Variants in BPIFB4 observed in about 807,000 individuals in gnomAD.
BPIFB4 encodes BPI fold-containing family B member 4.
BPIFB4 carries 62 observed loss-of-function variants against 69.2 expected under a neutral mutation model. The observed-to-expected ratio is 0.90, with a 90% confidence interval of 0.73 to 1.11. The LOEUF (loss-of-function observed/expected upper bound fraction) is 1.11, where lower values mean the gene tolerates loss of function less well. Among genes scored for constraint, BPIFB4 ranks in the 50% least tolerant of loss-of-function variants. BPIFB4 has a pLI of 0.00. For missense variants in BPIFB4, 789 were observed against 792.0 expected (o/e 1.00, Z 0.04); for synonymous variants, 330 against 332.7 (o/e 0.99, Z 0.09).
chr20:33,110,127 T>C (rs1277113915), intron 17 of BPIFB4, among the ~76,000 whole-genome samples: 1 of 152,186 alleles, frequency 6.6e-6, no homozygotes, highest in African/African-American at 2.4e-5. Flanking sequence ...TTCCCCTCTA[T>C]TGCCTTTGGT....
intron 3 of BPIFB4, among the ~76,000 whole-genome samples, 190 bp from the exon 4 acceptor site, chr20:33,082,748 C>G (rs1482306142): frequency 6.6e-6 from 1 of 152,138 alleles, no homozygotes; most frequent in African/African-American, 2.4e-5. Context: ...CAGACAAAAC[C>G]CAGCAGAAAA....
rs756098336 is a variant in BPIFB4 at position 33,083,537 on chromosome 20, A to G, written c.340A>G (p.Ser114Gly). 1.2e-6 allele frequency: 2 copies of G among 1,613,996 alleles called. No individual in the cohort carries two copies. The highest frequency in any genetic ancestry group is 4.5e-5 in the East Asian group (2 of 44,864). The change falls in exon 5 of 18, where the codon AGC (serine) becomes GGC (glycine). Residue 114 changes from serine (S) to glycine (G), a missense_variant. Coordinates refer to ENST00000375483, the MANE Select transcript of BPIFB4 (RefSeq NM_182519.3). Reference sequence around the variant, plus strand: ...TGGTGAGATCCTTGAGTCCGAGGGAAGCATCAGGGACCTCCGAAACAGTGG... The same window carrying G: ...TGGTGAGATCCTTGAGTCCGAGGGAGGCATCAGGGACCTCCGAAACAGTGG... ...RYGEILESEG[S>G]IRDLRNSGYR...
Position 33,089,569 on chromosome 20 carries a change from T to C in BPIFB4, c.1051+11T>C. 1 of 1,614,210 alleles carries C rather than the reference T, an allele frequency of 6.2e-7. No homozygotes were observed. The highest frequency in any genetic ancestry group is 8.5e-7 in the Non-Finnish European group (1 of 1,180,022). ...TGGGCCTCGTGGATTGTAAGTCCAATACACTTTCTCCAGCCTGGGGAAGGC... is the reference window on the plus strand; with the variant it reads ...TGGGCCTCGTGGATTGTAAGTCCAACACACTTTCTCCAGCCTGGGGAAGGC... On this transcript the variant is annotated intron_variant, in intron 9 of 17. Transcript: ENST00000375483.
chr20:33,100,297 G>C lies in BPIFB4; in HGVS notation c.1570-129G>C, dbSNP rs144185619. On this transcript the variant is annotated intron_variant, in intron 13 of 17. Coordinates refer to ENST00000375483, the MANE Select transcript of BPIFB4 (RefSeq NM_182519.3). Reference sequence around the variant, plus strand: ...TAAAAGGAGGTCTGACCCAGGCCTCGGGGAACAACCTGCCATCATGCTCAG... The same window carrying C: ...TAAAAGGAGGTCTGACCCAGGCCTCCGGGAACAACCTGCCATCATGCTCAG... 11 of 710,764 alleles carry C rather than the reference G, an allele frequency of 1.5e-5. No individual in the cohort carries two copies. The African/African-American group carries it at 1.6e-4, about 10-fold the overall frequency. The allele number at this position is 710,764 out of a possible 1,614,324, so 44.0% of individuals were successfully genotyped here.
At chr20:33,104,679 T>C in intron 15 of BPIFB4, 131 bp from the exon 16 acceptor site, 1 of 779,890 alleles carries the variant, frequency 1.3e-6, no homozygotes, top group Admixed American at 3.0e-5. Flanking sequence ...TCAGGGGTTC[T>C]GACTGCCAGA....
Position 33,083,397 on chromosome 20 carries a change from A to G in BPIFB4, c.200A>G (p.His67Arg), listed in dbSNP as rs943104205. 5 of 1,613,248 alleles carry G rather than the reference A, an allele frequency of 3.1e-6. No homozygotes were observed. In the African/African-American group the frequency reaches 5.4e-5, roughly 17 times the overall value. ...GGTGATATTCCCTACAATGACTTCC[A>G]TGTCCGAGGACCCCCCCCAGTATAT... ...GVGDIPYNDF[H>R]VRGPPPVYTN... Residue 67 changes from histidine to arginine, a missense_variant, in exon 5 of 18, where the codon CAT (histidine) becomes CGT (arginine). Physicochemically the swap from His to Arg is conservative, Grantham distance 29. Coordinates refer to ENST00000375483, the MANE Select transcript of BPIFB4 (RefSeq NM_182519.3).
chr20:33,101,966 T>C (rs1424970617), intron 14 of BPIFB4, among the ~76,000 whole-genome samples: 2 of 152,238 alleles, frequency 1.3e-5, no homozygotes, highest in Non-Finnish European at 2.9e-5. Context: ...AGCTTTTCTT[T>C]TACAACCAAT....
chr20:33,107,904 T>TGGAAGA, intron 17 of BPIFB4, 84 bp downstream of exon 17: 2 of 1,241,368 alleles, frequency 1.6e-6, no homozygotes, highest in East Asian at 4.7e-5. Flanking sequence ...GCCAGGAACT[T>TGGAAGA]GGAAGAGGAA....
intron 17 of BPIFB4, among the ~76,000 whole-genome samples, chr20:33,108,990 C>T (rs1216041324): frequency 6.6e-6 from 1 of 152,158 alleles, no homozygotes; most frequent in Non-Finnish European, 1.5e-5. Context: ...GAACAGCCCC[C>T]TTCCCACATT....
chr20:33,097,601 T>A lies in BPIFB4; in HGVS notation c.1399-16T>A. The A allele has an allele frequency of 6.2e-7, 1 of 1,612,134 alleles. No homozygotes were observed. Among genetic ancestry groups the A allele is most frequent in the Non-Finnish European group, 8.5e-7 (1 of 1,178,790 alleles). The stretch of plus-strand genomic sequence containing the variant: ...TGCTAAGGGCCCTGTCCATCTGGCC[T>A]GGTGCCTGCCCACAGGTGTTCCAGC... On this transcript the variant is annotated splice_polypyrimidine_tract_variant and intron_variant, in intron 12 of 17. Coordinates refer to ENST00000375483, the MANE Select transcript of BPIFB4 (RefSeq NM_182519.3).
At position 33,091,345 on chromosome 20, in the gene BPIFB4, C is replaced by A. The variant is rs143492402; in HGVS notation, c.1143+546C>A. ...TCCCATCATGGACAGCTTCAAGTTA[C>A]CAACATGACGTCAGTGGATGCAGAG... is the stretch of plus-strand genomic sequence containing the variant. On this transcript the variant is annotated intron_variant, in intron 10 of 17. Coordinates refer to ENST00000375483, the MANE Select transcript of BPIFB4 (RefSeq NM_182519.3). Among the ~76,000 whole-genome samples the A allele has an allele frequency of 2.1e-3, 317 of 152,316 alleles. 5 individuals are homozygous for A. In the South Asian group the frequency reaches 0.023, roughly 11 times the overall value.
At chr20:33,094,928 A>G (rs1022470186) in intron 11 of BPIFB4, among the ~76,000 whole-genome samples, 172 bp from the exon 12 acceptor site, 2 of 152,152 alleles carry the variant, frequency 1.3e-5, no homozygotes, top group African/African-American at 2.4e-5. Context: ...TGATCTGCGT[A>G]TGGTGATGAT....
At chr20:33,095,020 G>A in intron 11 of BPIFB4, 80 bp from the exon 12 acceptor site, 1 of 1,347,866 alleles carries the variant, frequency 7.4e-7, no homozygotes, top group Non-Finnish European at 1.1e-6. Context: ...AAGCATGTAG[G>A]AGTTTAATCA....
At chr20:33,106,766 T>C (rs11699448) in intron 16 of BPIFB4, among the ~76,000 whole-genome samples, 79,957 of 151,898 alleles carry the variant, frequency 0.53, 21,707 homozygotes, top group Middle Eastern at 0.61. Context: ...GCAGGAGCCT[T>C]GAGTCGTTTG....
chr20:33,083,067 G>A (rs1175925714), intron 4 of BPIFB4, 67 bp downstream of exon 4: 19 of 1,481,730 alleles, frequency 1.3e-5, no homozygotes, highest in Non-Finnish European at 1.4e-5. Context: ...GGAAGTGGAG[G>A]TGGTGGGGGA....
chr20:33,085,012 C>T lies in BPIFB4; in HGVS notation c.782+16C>T. The T allele has an allele frequency of 6.2e-7, 1 of 1,607,608 alleles. No individual in the cohort carries two copies. The highest frequency in any genetic ancestry group is 8.5e-7 in the Non-Finnish European group (1 of 1,178,638). On this transcript the variant is annotated intron_variant, in intron 6 of 17. Transcript: ENST00000375483. ...ACGGGAAGAGGTGCGTGCCCTTGGCCCTGGAGGGGTCCCCACCACCCTATG... is the reference window on the plus strand; with the variant it reads ...ACGGGAAGAGGTGCGTGCCCTTGGCTCTGGAGGGGTCCCCACCACCCTATG...
intron 6 of BPIFB4, 22 bp downstream of exon 6, chr20:33,085,018 G>A: frequency 1.2e-6 from 2 of 1,605,374 alleles, no homozygotes; most frequent in South Asian, 1.1e-5. Flanking sequence ...TGGCCCTGGA[G>A]GGGTCCCCAC....
At chr20:33,085,976 G>T (rs1183628848) in intron 6 of BPIFB4, 45 bp from the exon 7 acceptor site, 2 of 1,578,496 alleles carry the variant, frequency 1.3e-6, no homozygotes, top group Non-Finnish European at 1.7e-6. Flanking sequence ...GCTCCTGGCG[G>T]CTGGGGGTGA....
chr20:33,082,989 A>G lies in BPIFB4; in HGVS notation c.158A>G (p.Glu53Gly). ...GATGCTCTCCACTCGGCCCTGAGAGAGGTGCCCTTGGGTAAAGCCCGTGGT... is the reference window on the plus strand; with the variant it reads ...GATGCTCTCCACTCGGCCCTGAGAGGGGTGCCCTTGGGTAAAGCCCGTGGT... ...QSDALHSALR[E>G]VPLGVGDIPY... Residue 53 changes from glutamate to glycine, a missense_variant, in exon 4 of 18, where the codon GAG becomes GGG. Around this residue, in one of 3 missense-constraint regions of BPIFB4, gnomAD observed 611 missense variants for 575.4 expected, o/e 1.06. Coordinates refer to ENST00000375483, the MANE Select transcript of BPIFB4 (RefSeq NM_182519.3). 2 of 1,600,334 alleles carry G rather than the reference A, an allele frequency of 1.2e-6. No homozygotes were observed. Among genetic ancestry groups the G allele is most frequent in the Middle Eastern group, 1.7e-4 (1 of 6,002 alleles).
Sources: allele counts gnomAD v4.1 joint callset (sites outside exome capture counted in the v4.1 genomes callset), GRCh38; gene constraint gnomAD v4.1.1; regional missense constraint gnomAD v4.1.1; transcripts MANE v1.5; gene names NCBI Gene and HGNC (gene_info 2026-07-23, HGNC 2026-07-21).